SPIDR: variants seen among roughly 807,000 people sequenced by gnomAD.
SPIDR encodes the protein DNA repair-scaffolding protein.
Under a neutral mutation model 104.6 loss-of-function variants are expected in SPIDR, and 93 were observed. The observed-to-expected ratio is 0.89, with a 90% CI of 0.75 to 1.06. The LOEUF (loss-of-function observed/expected upper bound fraction) is 1.06, where lower values mean the gene tolerates loss of function less well. Among genes scored for constraint, SPIDR ranks in the 50% least tolerant of loss-of-function variants. The pLI is 0.00. For missense variants in SPIDR, 1,154 were observed against 1,111.2 expected (o/e 1.04, Z -0.55); for synonymous variants, 431 against 416.9 (o/e 1.03, Z -0.41).
intron 10 of SPIDR, among the ~76,000 whole-genome samples, chr8:47,621,870 C>G (rs930160200): frequency 6.6e-6 from 1 of 152,030 alleles, no homozygotes; most frequent in African/African-American, 2.4e-5. Context: ...GAGGCTGAGG[C>G]GGGAGAATTG....
intron 8 of SPIDR, chr8:47,527,973 A>T (rs1173609623): frequency 6.6e-6 from 1 of 152,112 alleles, no homozygotes; most frequent in Non-Finnish European, 1.5e-5. Flanking sequence ...GGATGGGGAA[A>T]ATACTGGTTC....
At chr8:47,366,883 C>A (rs1341280772) in intron 5 of SPIDR, among the ~76,000 whole-genome samples, 2 of 152,110 alleles carry the variant, frequency 1.3e-5, no homozygotes, top group Non-Finnish European at 2.9e-5. Flanking sequence ...CTAATTAGTG[C>A]CATAAAATTC....
chr8:47,599,501 A>G (rs1398642103), intron 10 of SPIDR, among the ~76,000 whole-genome samples: 1 of 152,252 alleles, frequency 6.6e-6, no homozygotes, highest in East Asian at 1.9e-4. Flanking sequence ...AAGCCAAGAC[A>G]TGTGGTTGTC....
At chr8:47,315,124 A>G (rs1414645018) in intron 5 of SPIDR, among the ~76,000 whole-genome samples, 1 of 152,250 alleles carries the variant, frequency 6.6e-6, no homozygotes, top group Non-Finnish European at 1.5e-5. Context: ...TCATAGGTGG[A>G]AATTTTAACA....
At chr8:47,467,155 T>C (rs2075001078) in intron 8 of SPIDR, among the ~76,000 whole-genome samples, 2 of 151,888 alleles carry the variant, frequency 1.3e-5, no homozygotes, top group African/African-American at 4.8e-5. Context: ...CCTCCCAGGA[T>C]TGAACTAGGA....
In SPIDR at chr8:47,598,936, T is replaced by A; in HGVS notation, c.1294-10T>A. 1 of 1,613,864 alleles carries A rather than the reference T, an allele frequency of 6.2e-7. No homozygotes were observed. The highest frequency in any genetic ancestry group is 1.1e-5 in the South Asian group (1 of 91,032). On this transcript the variant is annotated splice_polypyrimidine_tract_variant and intron_variant, in intron 9 of 19. Transcript: ENST00000297423. ...GTCTTGAAACTGTTCCCTTTATGTG[T>A]CTTGGCCAGGTTGTGTGTAGTGGTG...
chr8:47,652,998 G>A (rs1588856692), intron 10 of SPIDR, among the ~76,000 whole-genome samples: 1 of 152,268 alleles, frequency 6.6e-6, no homozygotes. Context: ...CTCTAATCTA[G>A]TCCCATACTG....
intron 5 of SPIDR, among the ~76,000 whole-genome samples, chr8:47,365,973 C>T (rs2057124761): frequency 6.7e-6 from 1 of 148,182 alleles, no homozygotes; most frequent in Admixed American, 6.6e-5. Context: ...CATACATGCA[C>T]AAGCACACAC....
intron 8 of SPIDR, among the ~76,000 whole-genome samples, chr8:47,578,679 T>A (rs1468165726): frequency 6.6e-6 from 1 of 152,166 alleles, no homozygotes; most frequent in Non-Finnish European, 1.5e-5. Context: ...ATAGTGTGAA[T>A]CTAAATTAGA....
chr8:47,654,465 G>A (rs921583623), intron 10 of SPIDR, among the ~76,000 whole-genome samples: 2 of 152,188 alleles, frequency 1.3e-5, no homozygotes, highest in African/African-American at 4.8e-5. Flanking sequence ...AGGGATCTCT[G>A]CATAATGATG....
intron 8 of SPIDR, among the ~76,000 whole-genome samples, chr8:47,485,635 C>CGGTG (rs1554730622): frequency 1.2e-4 from 19 of 152,262 alleles, no homozygotes; most frequent in African/African-American, 4.3e-4. Context: ...ACACCTGACA[C>CGGTG]TTCACCCCTC....
intron 10 of SPIDR, among the ~76,000 whole-genome samples, chr8:47,659,208 G>A (rs1321723169): frequency 2.0e-5 from 3 of 152,134 alleles, no homozygotes; most frequent in African/African-American, 4.8e-5. Flanking sequence ...GCAGGGAGCC[G>A]AGATGACAGC....
intron 6 of SPIDR, among the ~76,000 whole-genome samples, chr8:47,407,355 A>G (rs113953776): frequency 2.0e-5 from 3 of 152,324 alleles, no homozygotes; most frequent in African/African-American, 7.2e-5. Flanking sequence ...TGTTCTATCA[A>G]CAGTTGGCAA....
chr8:47,528,826 A>G (rs1490105513), intron 8 of SPIDR, among the ~76,000 whole-genome samples: 1 of 152,196 alleles, frequency 6.6e-6, no homozygotes, highest in Non-Finnish European at 1.5e-5. Flanking sequence ...TGCAAAGGGT[A>G]TGGCATATGT....
chr8:47,477,147 A>G (rs931958680), intron 8 of SPIDR, among the ~76,000 whole-genome samples: 5 of 152,194 alleles, frequency 3.3e-5, no homozygotes, highest in Admixed American at 6.5e-5. Flanking sequence ...GGCCTATGAA[A>G]CACTTAATGA....
At chr8:47,526,793 T>G (rs547108515) in intron 8 of SPIDR, among the ~76,000 whole-genome samples, 1 of 152,256 alleles carries the variant, frequency 6.6e-6, no homozygotes, top group African/African-American at 2.4e-5. Context: ...GTCTTCACAA[T>G]AAGAAAAAGT....
chr8:47,452,888 A>C (rs2072115157), intron 8 of SPIDR, among the ~76,000 whole-genome samples: 2 of 152,144 alleles, frequency 1.3e-5, no homozygotes, highest in African/African-American at 4.8e-5. Flanking sequence ...AAAGAAATAA[A>C]GGGTATTCAA....
chr8:47,727,134 G>A lies in SPIDR; in HGVS notation c.2342-66G>A, dbSNP rs1345373755. The A allele has an allele frequency of 5.1e-6, 7 of 1,384,936 alleles. No homozygotes were observed. The Admixed American group carries it at 8.8e-5, about 17-fold the overall frequency. 85.8% of individuals were successfully genotyped at this position (1,384,936 alleles called of 1,614,324 possible). A position where few individuals can be genotyped will look rare whatever the true frequency, so the allele number is the denominator to read the frequency against. ...CCCCTCATGTTGTCCTCTGCACGTG[G>A]AGGAGCAGAGGAGTCAGAGAGGGCA... On this transcript the variant is annotated intron_variant, in intron 16 of 19. Coordinates refer to ENST00000297423, the MANE Select transcript of SPIDR (RefSeq NM_001080394.4).
chr8:47,470,491 G>A (rs1554720247), intron 8 of SPIDR, among the ~76,000 whole-genome samples: 2 of 151,500 alleles, frequency 1.3e-5, no homozygotes. Context: ...GTTTCACCAC[G>A]TTGCCCAGGC....
Sources: allele counts gnomAD v4.1 joint callset (sites outside exome capture counted in the v4.1 genomes callset), GRCh38; gene constraint gnomAD v4.1.1; transcripts MANE v1.5; gene names NCBI Gene and HGNC (gene_info 2026-07-23, HGNC 2026-07-21).